The following NCAM2 variants were observed in gnomAD, a reference collection of about 807,000 sequenced individuals.
NCAM2 encodes neural cell adhesion molecule 2, also known as N-CAM-2.
In NCAM2, 30 loss-of-function variants were observed where a neutral mutation model predicts 98.1. The observed-to-expected ratio is 0.31, with a 90% CI of 0.23 to 0.41. The LOEUF (loss-of-function observed/expected upper bound fraction) is 0.41, where lower values mean the gene tolerates loss of function less well. NCAM2 is among the 10% of genes least tolerant of loss of function. The probability of loss-of-function intolerance (pLI) is 1.00; values close to 1 mark genes in which losing one functional copy is unlikely to be tolerated. For synonymous variants in NCAM2, 368 were observed against 342.4 expected (o/e 1.07, Z -0.83); for missense variants, 867 against 1,005.8 (o/e 0.86, Z 1.87).
intron 17 of NCAM2, among the ~76,000 whole-genome samples, chr21:21,535,476 T>A (rs1989934504): frequency 6.6e-6 from 1 of 152,080 alleles, no homozygotes. Context: ...AGGTTTCTCA[T>A]CCTAAATCAA....
At chr21:21,377,548 A>T (rs1040583712) in intron 9 of NCAM2, among the ~76,000 whole-genome samples, 1 of 151,940 alleles carries the variant, frequency 6.6e-6, no homozygotes, top group South Asian at 2.1e-4. Context: ...GCTTTTAAAA[A>T]TTTATCATTA....
chr21:21,223,063 G>A (rs2070235703), intron 1 of NCAM2, among the ~76,000 whole-genome samples: 1 of 152,034 alleles, frequency 6.6e-6, no homozygotes, highest in Admixed American at 6.6e-5. Flanking sequence ...TAACTTGTGT[G>A]GATTATTATT....
At chr21:21,222,041 C>T (rs117998606) in intron 1 of NCAM2, among the ~76,000 whole-genome samples, 1,732 of 152,220 alleles carry the variant, frequency 0.011, 56 homozygotes, top group Admixed American at 0.061. Flanking sequence ...TGCTAAATCT[C>T]CTCTGCCTGT....
At chr21:21,019,219 C>T (rs1189767796) in intron 1 of NCAM2, among the ~76,000 whole-genome samples, 1 of 152,184 alleles carries the variant, frequency 6.6e-6, no homozygotes, top group Non-Finnish European at 1.5e-5. Flanking sequence ...TCAGTGAAGC[C>T]TCGCTCTGTA....
chr21:21,149,248 A>C (rs149127557), intron 1 of NCAM2, among the ~76,000 whole-genome samples: 79 of 152,302 alleles, frequency 5.2e-4, no homozygotes, highest in African/African-American at 1.8e-3. Context: ...TCTCAAAAAA[A>C]GTCTGCAGTT....
chr21:21,370,916 T>A (rs570419476), intron 8 of NCAM2, among the ~76,000 whole-genome samples: 1 of 152,026 alleles, frequency 6.6e-6, no homozygotes, highest in South Asian at 2.1e-4. Flanking sequence ...ATTCAATTCC[T>A]ATTTGTTGAA....
At chr21:21,346,358 C>A (rs960524416) in intron 8 of NCAM2, among the ~76,000 whole-genome samples, 1 of 151,808 alleles carries the variant, frequency 6.6e-6, no homozygotes, top group African/African-American at 2.4e-5. Flanking sequence ...TATATATGCA[C>A]CCAACATGGG....
At chr21:21,498,899 A>G (rs1402840666) in intron 15 of NCAM2, among the ~76,000 whole-genome samples, 1 of 152,210 alleles carries the variant, frequency 6.6e-6, no homozygotes, top group Non-Finnish European at 1.5e-5. Context: ...ATAGAAGAAG[A>G]GAATGCCTCC....
chr21:21,061,265 C>CT (rs1207288002), intron 1 of NCAM2, among the ~76,000 whole-genome samples: 1 of 152,146 alleles, frequency 6.6e-6, no homozygotes, highest in African/African-American at 2.4e-5. Context: ...TGAATATAGT[C>CT]TAAGTGTCAT....
chr21:21,164,730 A>AT (rs1254001110), intron 1 of NCAM2, among the ~76,000 whole-genome samples: 1 of 152,098 alleles, frequency 6.6e-6, no homozygotes, highest in African/African-American at 2.4e-5. Context: ...TTTTTAATTG[A>AT]TTTTCTTATT....
At chr21:21,079,301 TTCTTAA>T (rs1210397780) in intron 1 of NCAM2, among the ~76,000 whole-genome samples, 3 of 104,520 alleles carry the variant, frequency 2.9e-5, no homozygotes, top group Non-Finnish European at 6.7e-5. Flanking sequence ...GCTTTTATCT[TTCTTAA>T]GAGATAATTT....
intron 15 of NCAM2, among the ~76,000 whole-genome samples, chr21:21,492,272 T>C (rs1449917180): frequency 6.6e-6 from 1 of 151,896 alleles, no homozygotes; most frequent in African/African-American, 2.4e-5. Context: ...ATTTCTGACC[T>C]ATAAGTTATA....
chr21:21,181,452 A>C (rs1353403305), intron 1 of NCAM2, among the ~76,000 whole-genome samples: 1 of 152,156 alleles, frequency 6.6e-6, no homozygotes. Flanking sequence ...ATTTGTTATC[A>C]TGCTTACCCA....
chr21:21,045,058 G>A (rs965549920), intron 1 of NCAM2, among the ~76,000 whole-genome samples: 1 of 152,120 alleles, frequency 6.6e-6, no homozygotes, highest in African/African-American at 2.4e-5. Context: ...AAAGGGTGTT[G>A]TAAATGTCAA....
rs183864869 is a variant in NCAM2, at chr21:21,425,022, G to A, written c.1480+6453G>A. Among the ~76,000 whole-genome samples, 188 of 122,266 alleles carry A rather than the reference G, an allele frequency of 1.5e-3. 1 individual carries two copies. Among genetic ancestry groups the A allele is most frequent in the African/African-American group, 5.7e-3 (180 of 31,816 alleles). 80.2% of individuals were successfully genotyped at this position (122,266 alleles called of 152,430 possible). A position where few individuals can be genotyped will look rare whatever the true frequency, so the allele number is the denominator to read the frequency against. On this transcript the variant is annotated intron_variant, in intron 11 of 17. Transcript: ENST00000400546. ...TTACACTCTAGCCTGGGCGACAAAA[G>A]CGGGACTCTTCCTCCTCCAAAAAAA...
intron 13 of NCAM2, among the ~76,000 whole-genome samples, chr21:21,467,572 A>G (rs922953330): frequency 6.6e-6 from 1 of 151,634 alleles, no homozygotes; most frequent in East Asian, 1.9e-4. Context: ...CCAGCCAGAT[A>G]CGGTGGCTTA....
At chr21:21,311,123 G>C (rs1204565828) in intron 5 of NCAM2, among the ~76,000 whole-genome samples, 1 of 152,058 alleles carries the variant, frequency 6.6e-6, no homozygotes. Flanking sequence ...AACATATCAA[G>C]CTGGGATTTT....
chr21:21,119,516 T>C (rs1460927339), intron 1 of NCAM2, among the ~76,000 whole-genome samples: 1 of 152,038 alleles, frequency 6.6e-6, no homozygotes, highest in Admixed American at 6.6e-5. Context: ...GCAGCTAATA[T>C]ATTTTTGTTA....
intron 1 of NCAM2, among the ~76,000 whole-genome samples, chr21:21,246,277 T>A (rs911098834): frequency 1.1e-4 from 16 of 152,120 alleles, no homozygotes; most frequent in African/African-American, 3.6e-4. Context: ...CATGAGCTTA[T>A]AAGATCCTAG....
Sources: gnomAD v4.1 joint callset for allele counts (sites outside exome capture counted in the v4.1 genomes callset) on GRCh38, gnomAD v4.1.1 for gene constraint, MANE v1.5 for transcripts, NCBI Gene and HGNC (gene_info 2026-07-23, HGNC 2026-07-21) for gene names.